Variants in PAXBP1 observed in about 807,000 individuals in gnomAD.
PAXBP1 encodes PAX3 and PAX7 binding protein 1.
A neutral mutation model predicts 119.9 loss-of-function variants in PAXBP1; 44 were observed. The observed-to-expected ratio is 0.37, with a 90% CI of 0.29 to 0.47. The LOEUF is 0.47. Ranked by LOEUF, PAXBP1 falls within the 20% of genes least tolerant of loss-of-function variation. The pLI is 0.99. For missense variants in PAXBP1, 898 were observed against 1,134.1 expected, an observed-to-expected ratio of 0.79 and a Z score of 2.99; for synonymous variants, 393 against 406.6, an observed-to-expected ratio of 0.97 and a Z score of 0.40.
intron 16 of PAXBP1, among the ~76,000 whole-genome samples, 193 bp downstream of exon 16, chr21:32,737,977 ATAT>A (rs943806937): frequency 9.9e-5 from 15 of 152,252 alleles, no homozygotes; most frequent in African/African-American, 3.6e-4. Context: ...ATATATATAT[ATAT>A]AACAGTATGC....
chr21:32,753,425 CAAAAAAAA>C (rs757858309), intron 8 of PAXBP1, among the ~76,000 whole-genome samples: 6 of 91,000 alleles, frequency 6.6e-5, no homozygotes, highest in Non-Finnish European at 1.4e-4. Context: ...GACTCCGTCT[CAAAAAAAA>C]AAAAAAAAAA....
chr21:32,764,468 C>A lies in PAXBP1; in HGVS notation c.529G>T (p.Val177Phe), dbSNP rs2044206172. ...HVKDTNQEDG[V>F]IISEHGEDEM... is the part of the protein sequence containing the mutation. ...TCTTCACCATGTTCACTGATGATAACTCCATCTTCTTGATTTGTATCCTTA... is the reference window on the plus strand; with the variant it reads ...TCTTCACCATGTTCACTGATGATAAATCCATCTTCTTGATTTGTATCCTTA... Residue 177 changes from valine (V) to phenylalanine (F), a missense_variant, in exon 3 of 18, where the codon GTT (valine) becomes TTT (phenylalanine). Transcript: ENST00000331923. 1 of 1,613,732 alleles carries A rather than the reference C, an allele frequency of 6.2e-7. No individual in the cohort carries two copies. The highest frequency in any genetic ancestry group is 2.2e-5 in the East Asian group (1 of 44,786).
intron 15 of PAXBP1, among the ~76,000 whole-genome samples, chr21:32,740,009 T>C (rs1223087351): frequency 8.1e-6 from 1 of 124,034 alleles, no homozygotes; most frequent in South Asian, 2.5e-4. Context: ...ATGACACATA[T>C]AGTTAACTGG....
At position 32,740,478 on chromosome 21, in the gene PAXBP1, G is replaced by T. The variant is rs892486018; in HGVS notation, c.2335-2159C>A. Among the ~76,000 whole-genome samples, 4 of 152,176 alleles carry T rather than the reference G, an allele frequency of 2.6e-5. No individual in the cohort carries two copies. In the East Asian group the frequency reaches 7.7e-4, roughly 29 times the overall value. On this transcript the variant is annotated intron_variant, in intron 15 of 17. Transcript: ENST00000331923. ...AACTGAGACCTGTCTCAAATTTTTG[G>T]TGTTCATAGGACAAAGGAATTTTTG...
chr21:32,755,640 C>G (rs1056227883), intron 7 of PAXBP1: 4 of 228,066 alleles, frequency 1.8e-5, no homozygotes, highest in African/African-American at 6.8e-5. Context: ...GAAATGTCAA[C>G]AATTTTAGAG....
At chr21:32,747,214 A>G (rs1332983440) in intron 11 of PAXBP1, among the ~76,000 whole-genome samples, 5 of 152,204 alleles carry the variant, frequency 3.3e-5, no homozygotes, top group African/African-American at 1.2e-4. Context: ...AAATCTGCAC[A>G]TGTACCCTGG....
intron 7 of PAXBP1, chr21:32,755,939 T>C (rs565040155): frequency 1.1e-5 from 2 of 183,472 alleles, no homozygotes; most frequent in Non-Finnish European, 1.1e-5. Context: ...AACAAAATAA[T>C]TACTAGGGCG....
chr21:32,735,099 AAT>A (rs780014199), intron 17 of PAXBP1, 32 bp from the exon 18 acceptor site: 6 of 1,469,656 alleles, frequency 4.1e-6, no homozygotes, highest in Non-Finnish European at 5.7e-6. Context: ...GCATCTCATT[AAT>A]TAGTATATCT....
chr21:32,760,898 C>CGTGTGTGT (rs759882630), intron 5 of PAXBP1, among the ~76,000 whole-genome samples, 161 bp downstream of exon 5: 22 of 121,598 alleles, frequency 1.8e-4, no homozygotes, highest in East Asian at 8.5e-4. Context: ...TGTGTGCGTG[C>CGTGTGTGT]GTGCGTGTGT....
intron 17 of PAXBP1, among the ~76,000 whole-genome samples, chr21:32,735,293 G>A (rs921234242): frequency 6.6e-6 from 1 of 151,878 alleles, no homozygotes; most frequent in Non-Finnish European, 1.5e-5. Context: ...CCCAGAGACA[G>A]GGGACCCATT....
chr21:32,746,767 T>C (rs1485670681), intron 11 of PAXBP1, among the ~76,000 whole-genome samples: 3 of 152,178 alleles, frequency 2.0e-5, no homozygotes, highest in African/African-American at 7.2e-5. Flanking sequence ...ATCATTCTAT[T>C]ATAAAGCTAC....
intron 17 of PAXBP1, 123 bp downstream of exon 17, chr21:32,737,131 T>C: frequency 1.2e-6 from 1 of 828,084 alleles, no homozygotes; most frequent in Non-Finnish European, 1.7e-6. Context: ...TTTTGGTAGG[T>C]TTATAATACT....
In PAXBP1 at chr21:32,748,530, C is replaced by T. The variant is rs759494657; in HGVS notation, c.1892G>A (p.Arg631Gln). Reference sequence around the variant, plus strand: ...AGGAGTCCAAGTGAGGAGCTGAAGTCGTATGAGGGGGTTGAATAATTTTGG... The same window carrying T: ...AGGAGTCCAAGTGAGGAGCTGAAGTTGTATGAGGGGGTTGAATAATTTTGG... ...CLPKLFNPLI[R>Q]LQLLTWTPLE... Residue 631 changes from arginine (R) to glutamine (Q), a missense_variant, in exon 11 of 18, where the codon CGA becomes CAA. Coordinates refer to ENST00000331923, the MANE Select transcript of PAXBP1 (RefSeq NM_016631.4). 1.9e-6 allele frequency: 3 copies of T among 1,613,850 alleles called. No homozygotes were observed. Among genetic ancestry groups the T allele is most frequent in the Non-Finnish European group, 2.5e-6 (3 of 1,179,898 alleles).
intron 10 of PAXBP1, 55 bp downstream of exon 10, chr21:32,750,862 T>C (rs2043947369): frequency 5.3e-6 from 7 of 1,308,878 alleles, no homozygotes; most frequent in African/African-American, 3.0e-5. Context: ...GTAAAAACCA[T>C]ACCCAAGTAG....
In PAXBP1 at chr21:32,748,632, C is replaced by T; in HGVS notation, c.1790G>A (p.Cys597Tyr). The T allele has an allele frequency of 2.5e-6, 4 of 1,613,808 alleles. No individual in the cohort carries two copies. Among genetic ancestry groups the T allele is most frequent in the Non-Finnish European group, 3.4e-6 (4 of 1,179,858 alleles). The change falls in exon 11 of 18, where the codon TGT becomes TAT. Residue 597 changes from cysteine to tyrosine, a missense_variant. Physicochemically the swap from Cys to Tyr is radical, Grantham distance 194. This residue lies in a region of PAXBP1 where 599 missense variants were observed against 852.7 expected (regional missense o/e 0.70). Transcript: ENST00000331923. Reference protein sequence around the residue: ...DVLESFYSIDCIKSQFEAWRS... With the variant: ...DVLESFYSIDYIKSQFEAWRS... ...CCATGCTTCAAACTGTGATTTAATA[C>T]AGTCAATTGAATAGAAACTTTCAAG...
intron 14 of PAXBP1, 65 bp downstream of exon 14, chr21:32,743,613 T>C (rs2043823003): frequency 7.9e-7 from 1 of 1,262,480 alleles, no homozygotes; most frequent in Non-Finnish European, 1.1e-6. Flanking sequence ...TTTTTCAGAA[T>C]TTTATAAGCC....
chr21:32,765,849 A>T (rs2044231402), intron 2 of PAXBP1, among the ~76,000 whole-genome samples: 1 of 151,412 alleles, frequency 6.6e-6, no homozygotes, highest in African/African-American at 2.4e-5. Context: ...TTTGCTCTAA[A>T]CCCATGCTAG....
chr21:32,747,698 A>C (rs1172601255), intron 11 of PAXBP1, among the ~76,000 whole-genome samples: 1 of 152,112 alleles, frequency 6.6e-6, no homozygotes, highest in East Asian at 1.9e-4. Context: ...CTAAAACCAC[A>C]TTGTAAACAT....
At chr21:32,739,408 T>C (rs1004997175) in intron 15 of PAXBP1, among the ~76,000 whole-genome samples, 6 of 152,178 alleles carry the variant, frequency 3.9e-5, no homozygotes, top group South Asian at 2.1e-4. Flanking sequence ...GTGTACCTCA[T>C]TGAGCCATTC....
Sources: gnomAD v4.1 joint callset for allele counts (sites outside exome capture counted in the v4.1 genomes callset) on GRCh38, gnomAD v4.1.1 for gene constraint, gnomAD v4.1.1 regional missense constraint, MANE v1.5 for transcripts, NCBI Gene and HGNC (gene_info 2026-07-23, HGNC 2026-07-21) for gene names.